MYCBP2: variants seen among roughly 807,000 people sequenced by gnomAD.
MYCBP2 encodes E3 ubiquitin-protein ligase MYCBP2.
MYCBP2 carries 120 observed loss-of-function variants against 525.3 expected under a neutral mutation model. The ratio of observed to expected loss-of-function variants is 0.23; its 90% CI spans 0.20 to 0.27. MYCBP2 has a LOEUF of 0.27. MYCBP2 is among the 10% of genes least tolerant of loss of function. The probability of loss-of-function intolerance (pLI) is 1.00; values close to 1 mark genes in which losing one functional copy is unlikely to be tolerated. For synonymous variants in MYCBP2, 1,894 were observed against 1,955.8 expected, an observed-to-expected ratio of 0.97 and a Z score of 0.83; for missense variants, 4,149 against 5,657.1, an observed-to-expected ratio of 0.73 and a Z score of 8.55.
intron 55 of MYCBP2, 200 bp from the exon 56 acceptor site, chr13:77,099,213 C>T (rs1328353815): frequency 1.4e-6 from 1 of 719,004 alleles, no homozygotes; most frequent in Non-Finnish European, 2.2e-6. Flanking sequence ...AACATTACCA[C>T]CAAAAACTAT....
intron 55 of MYCBP2, among the ~76,000 whole-genome samples, chr13:77,104,947 T>C (rs551662148): frequency 1.3e-5 from 2 of 152,138 alleles, no homozygotes; most frequent in Non-Finnish European, 2.9e-5. Context: ...CCTCAAAAGA[T>C]GTCAGGTGCT....
At chr13:77,259,000 T>C (rs1404518553) in intron 13 of MYCBP2, among the ~76,000 whole-genome samples, 1 of 152,116 alleles carries the variant, frequency 6.6e-6, no homozygotes, top group African/African-American at 2.4e-5. Flanking sequence ...CACGCCTGTA[T>C]TCCCAGCACT....
At chr13:77,296,512 G>T in intron 2 of MYCBP2, 87 bp downstream of exon 2, 2 of 1,392,274 alleles carry the variant, frequency 1.4e-6, no homozygotes, top group Non-Finnish European at 9.5e-7. Context: ...TAATAAAATG[G>T]TTTAATTATA....
intron 21 of MYCBP2, 28 bp downstream of exon 21, chr13:77,217,812 T>C: frequency 2.8e-6 from 4 of 1,420,334 alleles, no homozygotes; most frequent in Non-Finnish European, 3.9e-6. Context: ...TATAATGCAA[T>C]ATTATTAATG....
chr13:77,115,274 G>T (rs1356072162), intron 55 of MYCBP2, among the ~76,000 whole-genome samples: 1 of 151,840 alleles, frequency 6.6e-6, no homozygotes, highest in Non-Finnish European at 1.5e-5. Flanking sequence ...TATTCTTAAA[G>T]AAAGCAGATA....
chr13:77,055,805 T>C, intron 79 of MYCBP2, 38 bp from the exon 80 acceptor site: 2 of 1,481,238 alleles, frequency 1.4e-6, no homozygotes, highest in Non-Finnish European at 1.9e-6. Context: ...CAGAATCATT[T>C]ATTAACCAAC....
intron 35 of MYCBP2, among the ~76,000 whole-genome samples, chr13:77,176,944 A>T (rs982018804): frequency 6.6e-6 from 1 of 152,150 alleles, no homozygotes; most frequent in Non-Finnish European, 1.5e-5. Context: ...AGTTAGAGAT[A>T]GAGATAGACT....
intron 14 of MYCBP2, among the ~76,000 whole-genome samples, chr13:77,256,204 A>G (rs891441941): frequency 6.6e-6 from 1 of 152,124 alleles, no homozygotes; most frequent in African/African-American, 2.4e-5. Context: ...AGGTTAAATT[A>G]CAGGTAGCAT....
At chr13:77,294,043 G>C (rs914764705) in intron 2 of MYCBP2, among the ~76,000 whole-genome samples, 5 of 144,178 alleles carry the variant, frequency 3.5e-5, no homozygotes, top group Non-Finnish European at 7.5e-5. Flanking sequence ...AAATAAAGGA[G>C]ATGACTGATG....
intron 7 of MYCBP2, among the ~76,000 whole-genome samples, chr13:77,269,658 T>C (rs1294722993): frequency 6.6e-6 from 1 of 151,532 alleles, no homozygotes; most frequent in African/African-American, 2.4e-5. Flanking sequence ...ATGATAAAGG[T>C]GGTCTTCAAT....
At chr13:77,310,394 C>A (rs546409257) in intron 1 of MYCBP2, among the ~76,000 whole-genome samples, 2 of 152,262 alleles carry the variant, frequency 1.3e-5, no homozygotes, top group Non-Finnish European at 2.9e-5. Context: ...CCAAAAACAG[C>A]TTCCTGTCTA....
At chr13:77,297,303 T>A (rs1363662020) in intron 1 of MYCBP2, among the ~76,000 whole-genome samples, 1 of 152,232 alleles carries the variant, frequency 6.6e-6, no homozygotes, top group Non-Finnish European at 1.5e-5. Flanking sequence ...TTTCACTTAA[T>A]ATGTTTTATG....
In MYCBP2 at chr13:77,270,542, A is replaced by G; in HGVS notation, c.946-4T>C. On this transcript the variant is annotated splice_region_variant and splice_polypyrimidine_tract_variant and intron_variant, in intron 5 of 82. Transcript: ENST00000544440. ...GCGAATTTAGAATTGTTGGCACCTAATCAAAAGAGAAGAAAAATAATGAAA... is the reference window on the plus strand; with the variant it reads ...GCGAATTTAGAATTGTTGGCACCTAGTCAAAAGAGAAGAAAAATAATGAAA... 1 of 1,583,386 alleles carries G rather than the reference A, an allele frequency of 6.3e-7. No individual in the cohort carries two copies. Among genetic ancestry groups the G allele is most frequent in the Non-Finnish European group, 8.6e-7 (1 of 1,165,402 alleles).
At position 77,055,130 on chromosome 13, in the gene MYCBP2, G is replaced by GT. The variant is rs547751393; in HGVS notation, c.13647+427dup. ...AGGAAAACAAATATGTAAGGGGTAG[G>GT]TTAAAAAAAAAAAAAGAAGAAGTAG... On this transcript the variant is annotated intron_variant, in intron 80 of 82. Coordinates refer to ENST00000544440, the MANE Select transcript of MYCBP2 (RefSeq NM_015057.5). Among the ~76,000 whole-genome samples, 8 of 117,800 alleles carry GT rather than the reference G, an allele frequency of 6.8e-5. No homozygotes were observed. In the East Asian group the frequency reaches 8.2e-4, roughly 12 times the overall value. The allele number at this position is 117,800 out of a possible 152,430, so 77.3% of individuals were successfully genotyped here. A position where few individuals can be genotyped will look rare whatever the true frequency, so the allele number is the denominator to read the frequency against.
chr13:77,196,355 C>T (rs889815560), intron 26 of MYCBP2, among the ~76,000 whole-genome samples: 2 of 152,178 alleles, frequency 1.3e-5, no homozygotes, highest in African/African-American at 4.8e-5. Flanking sequence ...GAAGACACTA[C>T]AGGATTCTGA....
At chr13:77,254,385 A>G (rs2071784753) in intron 14 of MYCBP2, among the ~76,000 whole-genome samples, 1 of 151,758 alleles carries the variant, frequency 6.6e-6, no homozygotes, top group African/African-American at 2.4e-5. Flanking sequence ...ATTTTTTTTT[A>G]ACTGAAAAAA....
chr13:77,146,272 A>G (rs2055535795), intron 47 of MYCBP2, 55 bp from the exon 48 acceptor site: 13 of 1,216,812 alleles, frequency 1.1e-5, no homozygotes, highest in East Asian at 2.4e-5. Context: ...AACATTCTCA[A>G]TTAACAGAGT....
chr13:77,156,031 C>T, intron 46 of MYCBP2, 27 bp downstream of exon 46: 2 of 1,603,492 alleles, frequency 1.2e-6, no homozygotes, highest in Non-Finnish European at 1.7e-6. Flanking sequence ...ATATAGATGT[C>T]TGCTAATTTA....
chr13:77,323,638 G>A (rs774720640), intron 1 of MYCBP2, among the ~76,000 whole-genome samples: 24 of 152,178 alleles, frequency 1.6e-4, no homozygotes, highest in Non-Finnish European at 3.1e-4. Context: ...CCATTGGAGT[G>A]GATTTTCCAA....
Sources: allele counts gnomAD v4.1 joint callset (sites outside exome capture counted in the v4.1 genomes callset), GRCh38; gene constraint gnomAD v4.1.1; transcripts MANE v1.5; gene names NCBI Gene and HGNC (gene_info 2026-07-23, HGNC 2026-07-21).